The following NRXN3 variants were observed in gnomAD, a reference collection of about 807,000 sequenced individuals.
NRXN3 encodes neurexin III.
In NRXN3, 32 loss-of-function variants were observed where a neutral mutation model predicts 137.6. The observed-to-expected ratio is 0.23, with a 90% CI of 0.18 to 0.31. The LOEUF (loss-of-function observed/expected upper bound fraction) is 0.31. NRXN3 is among the 10% of genes least tolerant of loss of function. NRXN3 has a pLI of 1.00. For missense variants in NRXN3, 1,574 were observed against 2,062.5 expected (o/e 0.76, Z 4.59); for synonymous variants, 798 against 784.5 (o/e 1.02, Z -0.29).
At chr14:79,286,398 A>G (rs2082257584) in intron 15 of NRXN3, among the ~76,000 whole-genome samples, 1 of 152,192 alleles carries the variant, frequency 6.6e-6, no homozygotes, top group Admixed American at 6.5e-5. Context: ...CAATTGAAAA[A>G]TATGTTAAAT....
At chr14:79,758,205 C>T (rs1228407727) in intron 19 of NRXN3, among the ~76,000 whole-genome samples, 1 of 152,088 alleles carries the variant, frequency 6.6e-6, no homozygotes, top group Non-Finnish European at 1.5e-5. Flanking sequence ...TTTTGGCTTC[C>T]TGTCTTTGTT....
rs756091153 is a variant in NRXN3 at position 79,861,784 on chromosome 14, C to T, written c.4536C>T (p.Ile1512=). 15 of 1,614,000 alleles carry T rather than the reference C, an allele frequency of 9.3e-6. No homozygotes were observed. In the Admixed American group the frequency reaches 2.3e-4, roughly 25 times the overall value. Reference sequence around the variant, plus strand: ...CTGCTGCCGCCCTCTGCATCTTGATCCTCCTGTACGCCATGTACAAGTACA... The same window carrying T: ...CTGCTGCCGCCCTCTGCATCTTGATTCTCCTGTACGCCATGTACAAGTACA... ...IVAAAALCIL[I]LLYAMYKYRN... is the part of the protein sequence containing the mutation. Residue 1512 remains isoleucine (I), a synonymous_variant, in exon 21 of 21, where the codon ATC becomes ATT. Coordinates refer to ENST00000335750, the MANE Select transcript of NRXN3 (RefSeq NM_001330195.2). The surrounding 1 kb of genome is among the most constrained non-coding windows in gnomAD (Gnocchi z 5.4).
rs75923509 is a variant in NRXN3 at position 79,801,917 on chromosome 14, G to A, written c.4015-3195G>A. 1.8e-3 allele frequency among the ~76,000 whole-genome samples: 271 copies of A among 152,000 alleles called. 1 individual carries two copies. Among genetic ancestry groups the A allele is most frequent in the African/African-American group, 5.1e-3 (211 of 41,456 alleles). ...ATGGAATTGGAGGTAGAGAAGGGGT[G>A]GGAGAGTGGGGCTGGGGATGGTGTC... On this transcript the variant is annotated intron_variant, in intron 19 of 20. Coordinates refer to ENST00000335750, the MANE Select transcript of NRXN3 (RefSeq NM_001330195.2).
chr14:79,138,901 C>T (rs1376721384), intron 15 of NRXN3, among the ~76,000 whole-genome samples: 5 of 152,056 alleles, frequency 3.3e-5, no homozygotes, highest in African/African-American at 1.2e-4. Flanking sequence ...TTGAGTTGCT[C>T]CCAAAGCAGA....
At chr14:78,347,650 A>C (rs2082934129) in intron 4 of NRXN3, among the ~76,000 whole-genome samples, 1 of 152,138 alleles carries the variant, frequency 6.6e-6, no homozygotes, top group Admixed American at 6.5e-5. Flanking sequence ...TTGTGCCACA[A>C]AACTCTCTGA....
chr14:79,533,351 A>G (rs1175926901), intron 16 of NRXN3, among the ~76,000 whole-genome samples: 3 of 152,064 alleles, frequency 2.0e-5, no homozygotes, highest in Admixed American at 6.6e-5. Context: ...TCAGCTTGAT[A>G]TTTTTGTTTC....
intron 17 of NRXN3, among the ~76,000 whole-genome samples, chr14:79,690,338 A>G (rs2098711816): frequency 6.6e-6 from 1 of 152,132 alleles, no homozygotes; most frequent in African/African-American, 2.4e-5. Context: ...ATCGATAGCT[A>G]TATTCTTTCG....
At chr14:78,339,723 T>C (rs994708433) in intron 4 of NRXN3, among the ~76,000 whole-genome samples, 2 of 152,106 alleles carry the variant, frequency 1.3e-5, no homozygotes, top group African/African-American at 4.8e-5. Flanking sequence ...GGATTCCAGA[T>C]AGAAGTAAAT....
At chr14:78,484,587 A>ATC (rs1232560199) in intron 4 of NRXN3, among the ~76,000 whole-genome samples, 1 of 152,136 alleles carries the variant, frequency 6.6e-6, no homozygotes, top group Admixed American at 6.5e-5. Flanking sequence ...CACTCTGTAA[A>ATC]TCACTGCATA....
chr14:78,491,288 G>A (rs541903316), intron 4 of NRXN3, among the ~76,000 whole-genome samples: 1 of 139,540 alleles, frequency 7.2e-6, no homozygotes, highest in Non-Finnish European at 1.6e-5. Flanking sequence ...ACCACTCAGA[G>A]GGGGAGGGAA....
intron 6 of NRXN3, among the ~76,000 whole-genome samples, chr14:78,662,204 C>T (rs1267868429): frequency 6.6e-6 from 1 of 151,402 alleles, no homozygotes; most frequent in African/African-American, 2.4e-5. Context: ...AACTAATTGA[C>T]AGATTAGAAT....
chr14:78,529,868 A>G (rs2096435308), intron 4 of NRXN3, among the ~76,000 whole-genome samples: 1 of 152,230 alleles, frequency 6.6e-6, no homozygotes, highest in South Asian at 2.1e-4. Context: ...AGAATAACAT[A>G]CATGTAGAAT....
At chr14:79,538,614 C>T (rs1266525359) in intron 16 of NRXN3, among the ~76,000 whole-genome samples, 1 of 151,890 alleles carries the variant, frequency 6.6e-6, no homozygotes, top group Admixed American at 6.6e-5. Flanking sequence ...AATTTGTTTA[C>T]GTTCCTTGTA....
intron 16 of NRXN3, among the ~76,000 whole-genome samples, chr14:79,481,431 A>G (rs2096607305): frequency 6.6e-6 from 1 of 152,162 alleles, no homozygotes; most frequent in African/African-American, 2.4e-5. Flanking sequence ...ACACAAACCT[A>G]GATGTTATAG....
chr14:78,757,932 A>G (rs2098676400), intron 8 of NRXN3, among the ~76,000 whole-genome samples: 1 of 152,198 alleles, frequency 6.6e-6, no homozygotes, highest in South Asian at 2.1e-4. Flanking sequence ...ATTTTTAAAT[A>G]AAAGCACTAG....
chr14:78,338,509 G>A (rs1278391701), intron 4 of NRXN3, among the ~76,000 whole-genome samples: 1 of 152,130 alleles, frequency 6.6e-6, no homozygotes, highest in East Asian at 1.9e-4. Flanking sequence ...GCCACCTGAT[G>A]GATAGCCTAG....
intron 15 of NRXN3, among the ~76,000 whole-genome samples, chr14:79,215,820 A>G (rs1424099027): frequency 6.6e-6 from 1 of 152,182 alleles, no homozygotes; most frequent in African/African-American, 2.4e-5. Context: ...TTAGAAAACT[A>G]TTTTGTAAAG....
At chr14:78,849,831 G>C (rs1358752673) in intron 10 of NRXN3, among the ~76,000 whole-genome samples, 1 of 152,022 alleles carries the variant, frequency 6.6e-6, no homozygotes, top group African/African-American at 2.4e-5. Context: ...TGAGAAAGGA[G>C]GTGGAGAGTT....
At chr14:78,604,233 G>C (rs1287928434) in intron 4 of NRXN3, among the ~76,000 whole-genome samples, 1 of 151,942 alleles carries the variant, frequency 6.6e-6, no homozygotes, top group African/African-American at 2.4e-5. Flanking sequence ...GGGAATTATG[G>C]GAGCTACAAT....
Sources: allele counts gnomAD v4.1 joint callset (sites outside exome capture counted in the v4.1 genomes callset), GRCh38; gene constraint gnomAD v4.1.1; non-coding constraint Gnocchi (gnomAD v3.1); transcripts MANE v1.5; gene names NCBI Gene and HGNC (gene_info 2026-07-23, HGNC 2026-07-21).